The following KAZN variants were observed in gnomAD, a reference collection of about 807,000 sequenced individuals.
KAZN encodes the protein kazrin, periplakin interacting protein.
In KAZN, 40 loss-of-function variants were observed where a neutral mutation model predicts 87.4. That is an observed-to-expected ratio of 0.46 (90% confidence interval 0.36 to 0.60). KAZN has a LOEUF of 0.60. Among genes scored for constraint, KAZN ranks in the 20% least tolerant of loss-of-function variants. KAZN has a pLI of 0.00. For missense variants in KAZN, 898 were observed against 1,073.9 expected (o/e 0.84, Z 2.29); for synonymous variants, 466 against 458.3 (o/e 1.02, Z -0.22).
intron 2 of KAZN, among the ~76,000 whole-genome samples, chr1:14,572,587 G>GCTT (rs1674937227): frequency 1.3e-5 from 2 of 152,300 alleles, no homozygotes; most frequent in South Asian, 2.1e-4. Context: ...TTGCCGGCTG[G>GCTT]CTTCTTGTGC....
At chr1:13,983,610 C>A (rs1445886170) in intron 1 of KAZN, among the ~76,000 whole-genome samples, 5 of 152,202 alleles carry the variant, frequency 3.3e-5, no homozygotes, top group Non-Finnish European at 7.3e-5. Context: ...AAGGGGCTCC[C>A]ACAGCGAAGC....
chr1:14,906,914 G>A (rs72871813), intron 1 of KAZN, among the ~76,000 whole-genome samples: 67 of 151,868 alleles, frequency 4.4e-4, no homozygotes, highest in Middle Eastern at 6.8e-3. Context: ...GCTGAGATGA[G>A]TACAAAGAAG....
chr1:14,086,194 G>T (rs1224136034), intron 1 of KAZN, among the ~76,000 whole-genome samples: 1 of 139,292 alleles, frequency 7.2e-6, no homozygotes, highest in Non-Finnish European at 1.6e-5. Flanking sequence ...ATTTTGGTTT[G>T]GTTTGGTTTA....
At chr1:14,841,223 T>G (rs907457244) in intron 1 of KAZN, among the ~76,000 whole-genome samples, 1 of 151,078 alleles carries the variant, frequency 6.6e-6, no homozygotes, top group Non-Finnish European at 1.5e-5. Context: ...CGAGAACACG[T>G]TGAAACCCCG....
chr1:14,806,580 C>A (rs781293402), intron 1 of KAZN, among the ~76,000 whole-genome samples: 17 of 152,154 alleles, frequency 1.1e-4, no homozygotes, highest in Non-Finnish European at 2.4e-4. Context: ...CTTCCATTTT[C>A]TTCATGTTGT....
chr1:14,183,777 T>G (rs1021799856), intron 2 of KAZN, among the ~76,000 whole-genome samples: 2 of 152,082 alleles, frequency 1.3e-5, no homozygotes, highest in Non-Finnish European at 2.9e-5. Context: ...TAAGATTGCT[T>G]TGTTGGCAGG....
At chr1:14,331,276 G>A (rs1054479050) in intron 2 of KAZN, among the ~76,000 whole-genome samples, 1 of 152,158 alleles carries the variant, frequency 6.6e-6, no homozygotes, top group Non-Finnish European at 1.5e-5. Flanking sequence ...TGACTGCATG[G>A]ATAGCCCACC....
intron 1 of KAZN, among the ~76,000 whole-genome samples, chr1:14,793,209 A>G (rs957839498): frequency 2.0e-5 from 3 of 152,108 alleles, no homozygotes; most frequent in South Asian, 2.1e-4. Context: ...GCAGGAAATG[A>G]TGGCAGAGCA....
At chr1:13,964,324 A>C (rs1251323743) in intron 1 of KAZN, among the ~76,000 whole-genome samples, 1 of 152,220 alleles carries the variant, frequency 6.6e-6, no homozygotes, top group East Asian at 1.9e-4. Context: ...AAAAAGAAGA[A>C]AGCAGTAGAA....
chr1:14,988,709 C>A (rs575326394), intron 2 of KAZN, among the ~76,000 whole-genome samples: 9 of 152,208 alleles, frequency 5.9e-5, no homozygotes, highest in Non-Finnish European at 1.2e-4. Flanking sequence ...TGATGCCCCC[C>A]CAGTTTACAA....
rs1358515536 is a variant in KAZN, at chr1:14,960,875, G to C, written c.418G>C (p.Ala140Pro). Reference protein sequence around the residue: ...ELARAKEALQAMKADRKRLKG... With the variant: ...ELARAKEALQPMKADRKRLKG... The stretch of plus-strand genomic sequence containing the variant: ...AGCCAGAGCCAAAGAAGCCTTGCAG[G>C]GTGAGTGACGAGTCAGCAGCAGTTC... The change falls in exon 2 of 15, where the codon GCC (alanine) becomes CCC (proline). Residue 140 changes from alanine to proline, a missense_variant and splice_region_variant. Physicochemically the swap from Ala to Pro is conservative, Grantham distance 27 (BLOSUM62 -1). This residue lies in a region of KAZN where 250 missense variants were observed against 263.0 expected (regional missense o/e 0.95). Coordinates refer to ENST00000376030, the MANE Select transcript of KAZN (RefSeq NM_201628.3). 6.3e-7 allele frequency: 1 copy of C among 1,599,350 alleles called. No homozygotes were observed. Among genetic ancestry groups the C allele is most frequent in the Non-Finnish European group, 8.5e-7 (1 of 1,171,140 alleles).
At chr1:14,180,456 T>C in exon 2 of KAZN, 4 of 1,550,388 alleles carry the variant, frequency 2.6e-6, no homozygotes, top group Non-Finnish European at 3.5e-6. Flanking sequence ...TTGCACACCC[T>C]CAATGACCAG....
rs1317515094 is a variant in KAZN, at chr1:14,942,928, G to A, written c.227-17756G>A. Among the ~76,000 whole-genome samples, 6 of 151,580 alleles carry A rather than the reference G, an allele frequency of 4.0e-5. 1 individual carries two copies. Among genetic ancestry groups the A allele is most frequent in the Admixed American group, 3.9e-4 (6 of 15,224 alleles). On this transcript the variant is annotated intron_variant, in intron 1 of 14. Transcript: ENST00000376030. Reference sequence around the variant, plus strand: ...AGCTGGTCACCACTGGTGAAAATTCGGCATCGCCCTTCTGTCTTCCTGCTT... The same window carrying A: ...AGCTGGTCACCACTGGTGAAAATTCAGCATCGCCCTTCTGTCTTCCTGCTT...
chr1:14,684,114 A>G (rs890440509), intron 1 of KAZN, among the ~76,000 whole-genome samples: 2 of 152,188 alleles, frequency 1.3e-5, no homozygotes, highest in African/African-American at 4.8e-5. Context: ...CTGGCCCCGT[A>G]TCAAGCTCCT....
intron 1 of KAZN, among the ~76,000 whole-genome samples, chr1:14,908,669 T>A (rs1221193737): frequency 6.6e-6 from 1 of 151,970 alleles, no homozygotes; most frequent in Non-Finnish European, 1.5e-5. Context: ...GTGAACCCTA[T>A]TCATGCCACT....
chr1:14,175,087 T>C lies in KAZN; in HGVS notation c.92-5348T>C, dbSNP rs181113017. Among the ~76,000 whole-genome samples, 3 of 152,264 alleles carry C rather than the reference T, an allele frequency of 2.0e-5. No individual in the cohort carries two copies. In the East Asian group the frequency reaches 5.8e-4, roughly 29 times the overall value. On this transcript the variant is annotated intron_variant, in intron 1 of 16. Coordinates refer to the KAZN transcript ENST00000636203. The stretch of plus-strand genomic sequence containing the variant: ...CAGTTTTTGAACCAGTAATTCAATC[T>C]ACCATGGATGGGTTTTGTTTTCGTT...
At chr1:14,059,392 GT>G in intron 1 of KAZN, among the ~76,000 whole-genome samples, 1 of 152,352 alleles carries the variant, frequency 6.6e-6, no homozygotes, top group East Asian at 1.9e-4. Context: ...AGAACTTGGA[GT>G]CTGATGTCTA....
intron 1 of KAZN, among the ~76,000 whole-genome samples, chr1:14,928,414 A>T (rs1659412370): frequency 6.6e-6 from 1 of 151,310 alleles, no homozygotes; most frequent in African/African-American, 2.4e-5. Context: ...GTGCCACTGC[A>T]CTCCAGCCTG....
chr1:14,919,176 CT>C (rs1004168687), intron 1 of KAZN, among the ~76,000 whole-genome samples: 1 of 152,132 alleles, frequency 6.6e-6, no homozygotes, highest in Non-Finnish European at 1.5e-5. Flanking sequence ...ACAGGAGGCA[CT>C]TTTTTGTTTG....
Sources: allele counts gnomAD v4.1 joint callset (sites outside exome capture counted in the v4.1 genomes callset), GRCh38; gene constraint gnomAD v4.1.1; regional missense constraint gnomAD v4.1.1; transcripts MANE v1.5; gene names NCBI Gene and HGNC (gene_info 2026-07-23, HGNC 2026-07-21).